ESR1: variants seen among roughly 807,000 people sequenced by gnomAD.
ESR1 encodes estrogen receptor 1.
ESR1 carries 12 observed loss-of-function variants against 52.7 expected under a neutral mutation model. The ratio of observed to expected loss-of-function variants is 0.23; its 90% CI spans 0.15 to 0.37. The LOEUF (loss-of-function observed/expected upper bound fraction) is 0.37, where lower values mean the gene tolerates loss of function less well. Among genes scored for constraint, ESR1 ranks in the 10% least tolerant of loss-of-function variants. ESR1 has a pLI of 1.00. For missense variants in ESR1, 584 were observed against 779.7 expected (o/e 0.75, Z 2.99); for synonymous variants, 305 against 316.8 (o/e 0.96, Z 0.39).
intron 1 of ESR1, among the ~76,000 whole-genome samples, chr6:151,668,833 G>A (rs1777920261): frequency 6.6e-6 from 1 of 152,098 alleles, no homozygotes; most frequent in African/African-American, 2.4e-5. Flanking sequence ...ATTAGAGAAA[G>A]GGCATTTGAA....
intron 1 of ESR1, among the ~76,000 whole-genome samples, chr6:151,674,494 G>T (rs905533726): frequency 6.6e-6 from 1 of 152,138 alleles, no homozygotes; most frequent in Admixed American, 6.5e-5. Flanking sequence ...ATAAACATGC[G>T]TGTGCATGTA....
chr6:151,668,473 C>T (rs575166227), intron 1 of ESR1, among the ~76,000 whole-genome samples: 67 of 152,066 alleles, frequency 4.4e-4, no homozygotes, highest in African/African-American at 1.4e-3. Flanking sequence ...TTAGTAGAGA[C>T]GGGGTTTCAC....
upstream of ESR1, among the ~76,000 whole-genome samples, chr6:151,801,051 GGTGTGTGTGTGT>G (rs3062689): frequency 6.8e-6 from 1 of 147,612 alleles, no homozygotes; most frequent in Non-Finnish European, 1.5e-5. Flanking sequence ...TTGATTATGT[GGTGTGTGTGTGT>G]GTGTGTGTGT....
intron 5 of ESR1, among the ~76,000 whole-genome samples, chr6:152,013,567 T>C (rs2042945039): frequency 6.6e-6 from 1 of 152,188 alleles, no homozygotes; most frequent in Admixed American, 6.6e-5. Flanking sequence ...AGTACACACT[T>C]GCTTGAGGAC....
intron 1 of ESR1, among the ~76,000 whole-genome samples, chr6:151,663,847 C>G (rs552527563): frequency 6.6e-6 from 1 of 152,124 alleles, no homozygotes; most frequent in South Asian, 2.1e-4. Flanking sequence ...AGGGATAAGA[C>G]AATAACTACA....
intron 4 of ESR1, among the ~76,000 whole-genome samples, chr6:151,952,059 C>A (rs2036388388): frequency 6.6e-6 from 1 of 152,200 alleles, no homozygotes. Flanking sequence ...AGTATGACTT[C>A]ATCTTAACTT....
At chr6:151,685,057 C>A (rs1778603053) in intron 1 of ESR1, among the ~76,000 whole-genome samples, 1 of 148,208 alleles carries the variant, frequency 6.7e-6, no homozygotes, top group African/African-American at 2.5e-5. Context: ...TTAAACTTAG[C>A]AACAGAGTCT....
At chr6:151,921,109 A>G (rs1421400923) in intron 3 of ESR1, among the ~76,000 whole-genome samples, 1 of 151,890 alleles carries the variant, frequency 6.6e-6, no homozygotes, top group African/African-American at 2.4e-5. Flanking sequence ...GACAGGTCCC[A>G]GTGTGTGTTG....
intron 3 of ESR1, among the ~76,000 whole-genome samples, chr6:151,920,638 G>T (rs2031454852): frequency 6.6e-6 from 1 of 151,934 alleles, no homozygotes; most frequent in East Asian, 1.9e-4. Context: ...TGATACCCCA[G>T]GTAGTTTAGG....
In ESR1 at chr6:151,990,281, G is replaced by A. The variant is rs117710300; in HGVS notation, c.1097-21375G>A. On this transcript the variant is annotated intron_variant, in intron 4 of 7. Coordinates refer to ENST00000206249, the MANE Select transcript of ESR1 (RefSeq NM_000125.4). The stretch of plus-strand genomic sequence containing the variant: ...GTGTGCAGTACAGACAGAAAGGAGA[G>A]AAACATATCTGCATGTTATGTTAGA... Among the ~76,000 whole-genome samples, 600 of 151,972 alleles carry A rather than the reference G, an allele frequency of 3.9e-3. 4 individuals are homozygous for A. The highest frequency in any genetic ancestry group is 0.012 in the Admixed American group (182 of 15,266).
At chr6:151,933,388 T>A (rs1396305041) in intron 3 of ESR1, among the ~76,000 whole-genome samples, 1 of 151,100 alleles carries the variant, frequency 6.6e-6, no homozygotes, top group South Asian at 2.1e-4. Flanking sequence ...TATACAATCA[T>A]GTCGTCTGCA....
intron 2 of ESR1, among the ~76,000 whole-genome samples, chr6:151,702,738 T>C (rs1261383205): frequency 1.3e-5 from 2 of 152,198 alleles, no homozygotes. Context: ...ATAAAATAAC[T>C]TACTGACTGT....
intron 2 of ESR1, among the ~76,000 whole-genome samples, chr6:151,766,511 A>G (rs986934793): frequency 9.9e-5 from 15 of 152,154 alleles, no homozygotes; most frequent in African/African-American, 3.6e-4. Flanking sequence ...AAATAAAAAA[A>G]AACAAATAAA....
intron 4 of ESR1, among the ~76,000 whole-genome samples, chr6:151,954,304 T>G (rs2036660233): frequency 1.3e-5 from 2 of 152,202 alleles, no homozygotes; most frequent in Non-Finnish European, 2.9e-5. Context: ...TTTACAATTC[T>G]TGAGACAAAT....
intron 2 of ESR1, among the ~76,000 whole-genome samples, chr6:151,738,312 C>A (rs1188745890): frequency 6.6e-6 from 1 of 152,138 alleles, no homozygotes; most frequent in Non-Finnish European, 1.5e-5. Flanking sequence ...GTGAATAGTG[C>A]TAGTATGAAC....
intron 1 of ESR1, chr6:151,811,190 A>G (rs990405032): frequency 7.9e-5 from 12 of 152,210 alleles, no homozygotes; most frequent in Admixed American, 7.2e-4. Flanking sequence ...GACGCATAAT[A>G]ATGTGAGAAA....
chr6:152,031,176 A>G (rs1190891844), intron 5 of ESR1, among the ~76,000 whole-genome samples: 1 of 152,256 alleles, frequency 6.6e-6, no homozygotes, highest in African/African-American at 2.4e-5. Context: ...AATGCCCGCA[A>G]GAGAAAGCAG....
intron 6 of ESR1, among the ~76,000 whole-genome samples, chr6:152,086,376 TTAAA>T (rs2049718997): frequency 6.7e-6 from 1 of 149,580 alleles, no homozygotes; most frequent in African/African-American, 2.4e-5. Flanking sequence ...CAAAATGTAT[TTAAA>T]TAAATACTTA....
At chr6:151,712,322 G>T (rs576297954) in intron 2 of ESR1, among the ~76,000 whole-genome samples, 6 of 152,012 alleles carry the variant, frequency 3.9e-5, no homozygotes, top group Non-Finnish European at 7.4e-5. Flanking sequence ...TTGGCTATAC[G>T]GGCTTTTTTT....
Sources: allele counts gnomAD v4.1 joint callset (sites outside exome capture counted in the v4.1 genomes callset), GRCh38; gene constraint gnomAD v4.1.1; transcripts MANE v1.5; gene names NCBI Gene and HGNC (gene_info 2026-07-23, HGNC 2026-07-21).